EEA1: variants seen among roughly 807,000 people sequenced by gnomAD.
EEA1 encodes the protein early endosome antigen 1.
EEA1 carries 111 observed loss-of-function variants against 209.2 expected under a neutral mutation model. The ratio of observed to expected loss-of-function variants is 0.53; its 90% CI spans 0.45 to 0.62. EEA1 has a LOEUF of 0.62. Among genes scored for constraint, EEA1 ranks in the 20% least tolerant of loss-of-function variants. EEA1 has a pLI of 0.00. For synonymous variants in EEA1, 536 were observed against 540.6 expected (o/e 0.99, Z 0.12); for missense variants, 1,343 against 1,530.8 (o/e 0.88, Z 2.05).
chr12:92,842,499 T>C lies in EEA1; in HGVS notation c.881A>G (p.Lys294Arg), dbSNP rs1877210056. ...AVYVQELQKL[K>R]SSVNELTQKN... ...TTGTGTTAATTCATTAACTGAACTT[T>C]TCAGTTTTTGTAGTTCCTGTACATA... The change falls in exon 10 of 29, where the codon AAA becomes AGA. Residue 294 changes from lysine (K) to arginine (R), a missense_variant. Coordinates refer to ENST00000322349, the MANE Select transcript of EEA1 (RefSeq NM_003566.4). 2 of 1,606,794 alleles carry C rather than the reference T, an allele frequency of 1.2e-6. No individual in the cohort carries two copies. The highest frequency in any genetic ancestry group is 1.1e-5 in the South Asian group (1 of 89,560).
chr12:92,860,430 G>C (rs1422547912), intron 3 of EEA1, among the ~76,000 whole-genome samples: 1 of 152,190 alleles, frequency 6.6e-6, no homozygotes, highest in South Asian at 2.1e-4. Context: ...TTTTGGCGGG[G>C]AGGAGGAAAT....
intron 3 of EEA1, among the ~76,000 whole-genome samples, chr12:92,862,507 G>A (rs531961866): frequency 5.9e-5 from 9 of 152,072 alleles, no homozygotes; most frequent in Middle Eastern, 3.4e-3. Flanking sequence ...GAGGCACGAG[G>A]ATTACTTGAG....
chr12:92,838,749 T>C (rs534004202), intron 10 of EEA1, among the ~76,000 whole-genome samples: 3 of 152,230 alleles, frequency 2.0e-5, no homozygotes, highest in Admixed American at 1.3e-4. Flanking sequence ...ATGCATAAGA[T>C]TTATATATGA....
intron 25 of EEA1, among the ~76,000 whole-genome samples, chr12:92,778,382 A>G (rs912449339): frequency 1.1e-4 from 16 of 152,014 alleles, no homozygotes; most frequent in Non-Finnish European, 8.8e-5. Flanking sequence ...TGCTGAAATG[A>G]TGGATAGTGA....
chr12:92,921,759 G>GAAAAAAAAAAAA (rs751838383), intron 1 of EEA1, among the ~76,000 whole-genome samples: 2 of 76,716 alleles, frequency 2.6e-5, no homozygotes, highest in African/African-American at 5.2e-5. Flanking sequence ...TAAAAAAAAA[G>GAAAAAAAAAAAA]AAAAAAAAAA....
intron 6 of EEA1, 109 bp from the exon 7 acceptor site, chr12:92,853,134 C>A (rs1877712012): frequency 1.5e-6 from 1 of 664,480 alleles, no homozygotes. Flanking sequence ...AGTTTATTAT[C>A]CAATTACAAG....
intron 5 of EEA1, among the ~76,000 whole-genome samples, chr12:92,856,285 A>G (rs1330092883): frequency 6.6e-6 from 1 of 152,174 alleles, no homozygotes; most frequent in Admixed American, 6.5e-5. Context: ...AATAAAATCA[A>G]TATAATTTCA....
rs1876390214 is a variant in EEA1 at position 92,827,807 on chromosome 12, C to T, written c.1404+105G>A. On this transcript the variant is annotated intron_variant, in intron 12 of 28. Coordinates refer to ENST00000322349, the MANE Select transcript of EEA1 (RefSeq NM_003566.4). ...TTGCTATTGGAGAGCAATAAATTTG[C>T]ACTTTAAAAAGTCCAATTAAAGCTT... is the stretch of plus-strand genomic sequence containing the variant. The T allele has an allele frequency of 1.6e-5, 19 of 1,212,954 alleles. No individual in the cohort carries two copies. In the South Asian group the frequency reaches 3.0e-4, roughly 19 times the overall value. 75.1% of individuals were successfully genotyped at this position (1,212,954 alleles called of 1,614,324 possible).
intron 5 of EEA1, among the ~76,000 whole-genome samples, chr12:92,856,428 T>C (rs1173296313): frequency 2.0e-5 from 3 of 152,194 alleles, no homozygotes; most frequent in Non-Finnish European, 1.5e-5. Flanking sequence ...TTTCTCTATG[T>C]ATTATTTTTA....
rs1565816811 is a variant in EEA1, at chr12:92,809,103, T to C, written c.2253A>G (p.Gln751=). Residue 751 remains glutamine (Q), a synonymous_variant, in exon 18 of 29, where the codon CAA becomes CAG. Coordinates refer to ENST00000322349, the MANE Select transcript of EEA1 (RefSeq NM_003566.4). The stretch of plus-strand genomic sequence containing the variant: ...TCAGCTGTCTTTGCTGTTGTAGATC[T>C]TGCAAAGCCTGCTCCTTGCTTGCTT... ...EVKASKEQAL[Q]DLQQQRQLNT... The C allele has an allele frequency of 3.1e-6, 5 of 1,606,030 alleles. No individual in the cohort carries two copies. The highest frequency in any genetic ancestry group is 4.3e-6 in the Non-Finnish European group (5 of 1,175,608).
chr12:92,921,892 A>G (rs185433446), intron 1 of EEA1, among the ~76,000 whole-genome samples: 61 of 150,648 alleles, frequency 4.0e-4, no homozygotes, highest in Admixed American at 7.9e-4. Flanking sequence ...AAAAAGAAAA[A>G]AAGAAAAGAA....
intron 3 of EEA1, chr12:92,859,384 CTGATCAGT>C (rs1330031675): frequency 1.5e-6 from 1 of 678,752 alleles, no homozygotes; most frequent in Non-Finnish European, 2.6e-6. Flanking sequence ...GTTTCAGCAC[CTGATCAGT>C]TGTAGTCACT....
At chr12:92,810,155 T>C (rs1225498803) in intron 17 of EEA1, among the ~76,000 whole-genome samples, 1 of 152,242 alleles carries the variant, frequency 6.6e-6, no homozygotes, top group Non-Finnish European at 1.5e-5. Flanking sequence ...GCACACTAAA[T>C]ATTTTATAAA....
intron 9 of EEA1, among the ~76,000 whole-genome samples, chr12:92,845,316 A>G (rs1262650733): frequency 1.3e-5 from 2 of 152,154 alleles, no homozygotes; most frequent in African/African-American, 4.8e-5. Flanking sequence ...CCCCTTTTCT[A>G]TTGCACATTA....
At chr12:92,788,472 G>A (rs997170588) in intron 21 of EEA1, among the ~76,000 whole-genome samples, 27 of 151,478 alleles carry the variant, frequency 1.8e-4, no homozygotes, top group African/African-American at 6.1e-4. Context: ...TTCTACTCTT[G>A]GAAATTCAAG....
intron 10 of EEA1, among the ~76,000 whole-genome samples, chr12:92,841,772 T>C (rs1877171008): frequency 6.6e-6 from 1 of 152,046 alleles, no homozygotes. Flanking sequence ...CCTGGTACAG[T>C]TGGTGGGAAT....
chr12:92,811,199 C>A, intron 17 of EEA1, 80 bp downstream of exon 17: 5 of 1,006,710 alleles, frequency 5.0e-6, no homozygotes, highest in South Asian at 4.0e-5. Context: ...AACTAAAAAT[C>A]TTTGATTCCA....
intron 5 of EEA1, among the ~76,000 whole-genome samples, chr12:92,855,431 CA>C (rs56959398): frequency 0.29 from 28,245 of 95,890 alleles, 1,371 homozygotes; most frequent in Non-Finnish European, 0.34. Flanking sequence ...GACTCTGTCT[CA>C]AAAAAAAAAA....
rs1881214634 is a variant in EEA1, at chr12:92,926,338, A to G, written c.24+2705T>C. Among the ~76,000 whole-genome samples, 3 of 152,184 alleles carry G rather than the reference A, an allele frequency of 2.0e-5. No homozygotes were observed. The South Asian group carries it at 6.2e-4, about 32-fold the overall frequency. On this transcript the variant is annotated intron_variant, in intron 1 of 28. Coordinates refer to ENST00000322349, the MANE Select transcript of EEA1 (RefSeq NM_003566.4). The stretch of plus-strand genomic sequence containing the variant: ...AAAGCACAGAGTCCATTTCAAATAA[A>G]TCTCTAAATTAACAATAGCTTTAAT...
Sources: gnomAD v4.1 joint callset for allele counts (sites outside exome capture counted in the v4.1 genomes callset) on GRCh38, gnomAD v4.1.1 for gene constraint, MANE v1.5 for transcripts, NCBI Gene and HGNC (gene_info 2026-07-23, HGNC 2026-07-21) for gene names.